Variants in FRMD4A observed in about 807,000 individuals in gnomAD.
The protein encoded by FRMD4A is FERM domain containing 4A, also known as FERM domain-containing protein 4A.
A neutral mutation model predicts 129.1 loss-of-function variants in FRMD4A; 29 were observed. The ratio of observed to expected loss-of-function variants is 0.22; its 90% CI spans 0.17 to 0.31. The LOEUF is 0.31. FRMD4A is among the 10% of genes least tolerant of loss of function. The pLI is 1.00. For missense variants in FRMD4A, 1,272 were observed against 1,375.8 expected, an observed-to-expected ratio of 0.92 and a Z score of 1.19; for synonymous variants, 634 against 571.6, an observed-to-expected ratio of 1.11 and a Z score of -1.56.
chr10:14,314,568 T>G (rs1021056250), intron 2 of FRMD4A, among the ~76,000 whole-genome samples: 1 of 152,154 alleles, frequency 6.6e-6, no homozygotes, highest in Non-Finnish European at 1.5e-5. Flanking sequence ...ACTCCTCCTC[T>G]TTCTGCTTTT....
intron 2 of FRMD4A, among the ~76,000 whole-genome samples, chr10:14,216,297 G>C (rs939085398): frequency 6.6e-6 from 1 of 152,072 alleles, no homozygotes; most frequent in Non-Finnish European, 1.5e-5. Context: ...AGGACTCCTT[G>C]GTTTCTTTGC....
intron 2 of FRMD4A, among the ~76,000 whole-genome samples, chr10:14,008,825 C>T (rs897286687): frequency 1.3e-5 from 2 of 152,134 alleles, no homozygotes; most frequent in African/African-American, 2.4e-5. Context: ...TCTGTTTACC[C>T]TTCCTGCTTT....
chr10:13,946,376 C>T (rs564096067), intron 2 of FRMD4A, among the ~76,000 whole-genome samples: 2 of 152,274 alleles, frequency 1.3e-5, no homozygotes, highest in South Asian at 2.1e-4. Flanking sequence ...TCAGCGAACG[C>T]TAGAGACTTC....
At chr10:14,065,888 G>A (rs972259245) in intron 2 of FRMD4A, among the ~76,000 whole-genome samples, 4 of 152,172 alleles carry the variant, frequency 2.6e-5, no homozygotes, top group Non-Finnish European at 4.4e-5. Context: ...GCATGTAGCA[G>A]GTTGGAGATA....
At chr10:14,289,560 T>G (rs1845786744) in intron 2 of FRMD4A, among the ~76,000 whole-genome samples, 1 of 152,106 alleles carries the variant, frequency 6.6e-6, no homozygotes, top group Admixed American at 6.6e-5. Context: ...TTTTGCAAAT[T>G]TTTTTACAAT....
chr10:13,804,957 T>A (rs1156515774), intron 4 of FRMD4A, among the ~76,000 whole-genome samples: 1 of 152,136 alleles, frequency 6.6e-6, no homozygotes, highest in Admixed American at 6.5e-5. Flanking sequence ...AAAGAAAAGA[T>A]CCTTAATTGT....
chr10:13,738,040 G>C lies in FRMD4A; in HGVS notation c.673-110C>G. 3 of 686,032 alleles carry C rather than the reference G, an allele frequency of 4.4e-6. No homozygotes were observed. In the South Asian group the frequency reaches 4.9e-5, roughly 11 times the overall value. The allele number at this position is 686,032 out of a possible 1,614,324, so 42.5% of individuals were successfully genotyped here. A position where few individuals can be genotyped will look rare whatever the true frequency, so the allele number is the denominator to read the frequency against. The stretch of plus-strand genomic sequence containing the variant: ...GACGAGGGAAAGGGCCATTTCCTTG[G>C]AATGGATGGAGCCCACCTGTCTACT... On this transcript the variant is annotated intron_variant, in intron 11 of 24. Transcript: ENST00000357447.
At chr10:14,246,095 C>G (rs1377887390) in intron 2 of FRMD4A, among the ~76,000 whole-genome samples, 1 of 152,164 alleles carries the variant, frequency 6.6e-6, no homozygotes, top group African/African-American at 2.4e-5. Flanking sequence ...CAGATGCTCC[C>G]ATTCCCAAAG....
At chr10:14,267,566 A>G in intron 2 of FRMD4A, among the ~76,000 whole-genome samples, 1 of 152,220 alleles carries the variant, frequency 6.6e-6, no homozygotes, top group South Asian at 2.1e-4. Context: ...ATTTTTATAT[A>G]TAGAATGGAC....
intron 2 of FRMD4A, among the ~76,000 whole-genome samples, chr10:13,879,883 C>A (rs182449995): frequency 6.6e-6 from 1 of 151,050 alleles, no homozygotes; most frequent in African/African-American, 2.4e-5. Context: ...TGGCCTCAAG[C>A]GATTCTCCTA....
chr10:13,995,682 T>A (rs1485687994), intron 2 of FRMD4A, among the ~76,000 whole-genome samples: 1 of 152,240 alleles, frequency 6.6e-6, no homozygotes, highest in Admixed American at 6.5e-5. Context: ...TGGCACGGCA[T>A]GTGGCCTTGG....
chr10:14,275,314 C>T (rs1260908995), intron 2 of FRMD4A, among the ~76,000 whole-genome samples: 1 of 152,216 alleles, frequency 6.6e-6, no homozygotes, highest in Non-Finnish European at 1.5e-5. Flanking sequence ...ACTTAAAAAT[C>T]CACTTAAACT....
At chr10:13,773,118 A>C (rs1241445379) in intron 6 of FRMD4A, among the ~76,000 whole-genome samples, 1 of 152,192 alleles carries the variant, frequency 6.6e-6, no homozygotes, top group African/African-American at 2.4e-5. Flanking sequence ...TAAAAAACCA[A>C]AGTAAACATG....
chr10:13,783,797 C>T (rs1317482995), intron 5 of FRMD4A, among the ~76,000 whole-genome samples: 1 of 152,160 alleles, frequency 6.6e-6, no homozygotes, highest in Non-Finnish European at 1.5e-5. Flanking sequence ...GTGCTCTTAA[C>T]ACTGTGATAT....
At chr10:14,312,925 T>C (rs988743167) in intron 2 of FRMD4A, among the ~76,000 whole-genome samples, 12 of 152,156 alleles carry the variant, frequency 7.9e-5, no homozygotes, top group Admixed American at 5.9e-4. Flanking sequence ...CAAGGGAAGA[T>C]GTTGCATATG....
intron 2 of FRMD4A, among the ~76,000 whole-genome samples, chr10:13,884,220 A>ACT (rs2094591219): frequency 0.011 from 843 of 77,560 alleles, 20 homozygotes; most frequent in African/African-American, 0.035. Flanking sequence ...ACACACACAC[A>ACT]CACACACACA....
intron 2 of FRMD4A, among the ~76,000 whole-genome samples, chr10:13,871,997 C>A (rs1481375557): frequency 2.0e-5 from 3 of 152,252 alleles, no homozygotes; most frequent in African/African-American, 2.4e-5. Flanking sequence ...AGTTACTTCA[C>A]CAACGTGGCC....
chr10:13,694,061 G>A (rs1224636379), intron 14 of FRMD4A, 22 bp from the exon 15 acceptor site: 50 of 1,498,860 alleles, frequency 3.3e-5, no homozygotes, highest in Admixed American at 1.2e-4. Context: ...AGGGAAGCAG[G>A]TCAAAGAAGT....
intron 4 of FRMD4A, among the ~76,000 whole-genome samples, chr10:13,805,547 A>C (rs2093344288): frequency 6.6e-6 from 1 of 152,174 alleles, no homozygotes. Context: ...TAAATAGATT[A>C]TGACAATCAT....
Sources: gnomAD v4.1 joint callset for allele counts (sites outside exome capture counted in the v4.1 genomes callset) on GRCh38, gnomAD v4.1.1 for gene constraint, MANE v1.5 for transcripts, NCBI Gene and HGNC (gene_info 2026-07-23, HGNC 2026-07-21) for gene names.